SCP2: variants seen among roughly 807,000 people sequenced by gnomAD.
SCP2 encodes sterol carrier protein 2, also known as SCP-2/3-oxoacyl-CoA thiolase.
SCP2 carries 48 observed loss-of-function variants against 71.4 expected under a neutral mutation model. That is an observed-to-expected ratio of 0.67 (90% CI 0.53 to 0.86). The LOEUF (loss-of-function observed/expected upper bound fraction) is 0.86, where lower values mean the gene tolerates loss of function less well. Among genes scored for constraint, SCP2 ranks in the 40% least tolerant of loss-of-function variants. The probability of loss-of-function intolerance (pLI) is 0.00; values close to 1 mark genes in which losing one functional copy is unlikely to be tolerated. For missense variants in SCP2, 560 were observed against 655.6 expected (o/e 0.85, Z 1.59); for synonymous variants, 220 against 218.1 (o/e 1.01, Z -0.08).
chr1:52,934,419 A>G (rs1037389398), intron 1 of SCP2, among the ~76,000 whole-genome samples: 44 of 151,862 alleles, frequency 2.9e-4, no homozygotes, highest in Middle Eastern at 3.4e-3. Flanking sequence ...CATGGAGCCG[A>G]TATTTTTCCA....
intron 6 of SCP2, among the ~76,000 whole-genome samples, chr1:52,970,325 C>A (rs1657350177): frequency 6.6e-6 from 1 of 152,142 alleles, no homozygotes; most frequent in South Asian, 2.1e-4. Context: ...TCATGGTGCA[C>A]CACAGCCACA....
intron 11 of SCP2, among the ~76,000 whole-genome samples, chr1:53,013,978 C>T (rs1261423455): frequency 7.0e-6 from 1 of 142,282 alleles, no homozygotes; most frequent in East Asian, 2.2e-4. Flanking sequence ...TCACTGCAAG[C>T]TCTGCCTCCC....
intron 12 of SCP2, among the ~76,000 whole-genome samples, chr1:53,024,642 C>T (rs924783684): frequency 1.1e-4 from 17 of 150,278 alleles, no homozygotes; most frequent in Non-Finnish European, 1.5e-4. Context: ...ATGATCTCTG[C>T]TCACTGCAAC....
chr1:52,936,309 T>G (rs1278263524), intron 1 of SCP2, among the ~76,000 whole-genome samples: 1 of 152,230 alleles, frequency 6.6e-6, no homozygotes, highest in Non-Finnish European at 1.5e-5. Context: ...CTTTGCCATT[T>G]CCAATAATCC....
chr1:52,978,308 G>T lies in SCP2; in HGVS notation c.766G>T (p.Ala256Ser). The stretch of plus-strand genomic sequence containing the variant: ...GCAATCCAAAGCTGTGGAAATTTTG[G>T]CACAAGAAATGATGACTGATTTGCC... ...GLQSKAVEIL[A>S]QEMMTDLPSS... The change falls in exon 9 of 16, where the codon GCA becomes TCA. Residue 256 changes from alanine to serine, a missense_variant. This residue lies in a region of SCP2 where 513 missense variants were observed against 573.1 expected (regional missense o/e 0.90). Coordinates refer to ENST00000371514, the MANE Select transcript of SCP2 (RefSeq NM_002979.5). The T allele has an allele frequency of 4.3e-6, 7 of 1,614,056 alleles. No individual in the cohort carries two copies. The highest frequency in any genetic ancestry group is 5.9e-6 in the Non-Finnish European group (7 of 1,179,964).
chr1:52,934,522 A>G (rs1653487368), intron 1 of SCP2, among the ~76,000 whole-genome samples: 1 of 150,196 alleles, frequency 6.7e-6, no homozygotes, highest in Non-Finnish European at 1.5e-5. Flanking sequence ...CCATTCAAAT[A>G]CAATATTTTA....
At chr1:53,016,081 C>T (rs1056063771) in intron 12 of SCP2, among the ~76,000 whole-genome samples, 4 of 152,068 alleles carry the variant, frequency 2.6e-5, no homozygotes, top group African/African-American at 9.7e-5. Context: ...GGTTCATGTG[C>T]ACAACCTGCA....
intron 3 of SCP2, 25 bp downstream of exon 3, chr1:52,948,105 A>C (rs754861738): frequency 1.1e-5 from 16 of 1,492,752 alleles, no homozygotes; most frequent in Non-Finnish European, 1.5e-5. Flanking sequence ...GTGTATTCTA[A>C]AATTTTTTTA....
chr1:52,947,805 C>A (rs182127903), intron 2 of SCP2, among the ~76,000 whole-genome samples: 2 of 152,120 alleles, frequency 1.3e-5, no homozygotes, highest in East Asian at 3.9e-4. Flanking sequence ...AAAGGAGATA[C>A]GGAAAAGTGA....
intron 11 of SCP2, among the ~76,000 whole-genome samples, chr1:52,990,677 T>C (rs1050847310): frequency 1.6e-5 from 2 of 127,982 alleles, no homozygotes; most frequent in African/African-American, 6.2e-5. Context: ...GAGCCTGCAG[T>C]GAGCCGAGAT....
chr1:53,007,594 A>C (rs1301028117), intron 11 of SCP2, among the ~76,000 whole-genome samples: 1 of 152,232 alleles, frequency 6.6e-6, no homozygotes, highest in African/African-American at 2.4e-5. Flanking sequence ...ACAAAGACAC[A>C]ACATACCAGA....
intron 2 of SCP2, among the ~76,000 whole-genome samples, chr1:52,946,050 T>A (rs549425706): frequency 6.6e-6 from 1 of 151,620 alleles, no homozygotes; most frequent in South Asian, 2.1e-4. Context: ...TACCTCAGCC[T>A]CCCAAGTAGC....
rs368718416 is a variant in SCP2, at chr1:53,038,875, G to A, written c.1339-42G>A. ...GAATTTGCTTGAGGAGAAAGCCAGA[G>A]AAATGGACTTAATGTAACCCCAGTG... On this transcript the variant is annotated intron_variant, in intron 13 of 15. Transcript: ENST00000371514. The A allele has an allele frequency of 1.4e-5, 23 of 1,612,100 alleles. No individual in the cohort carries two copies. The South Asian group carries it at 2.2e-4, about 15-fold the overall frequency.
intron 7 of SCP2, among the ~76,000 whole-genome samples, chr1:52,976,102 A>G (rs1657939381): frequency 6.6e-6 from 1 of 152,222 alleles, no homozygotes; most frequent in African/African-American, 2.4e-5. Context: ...GAGCATCCCA[A>G]GCAAAGCTTT....
rs889696643 is a variant in SCP2 at position 53,028,184 on chromosome 1, A to G, written c.1338+113A>G. 4.4e-6 allele frequency: 3 copies of G among 676,536 alleles called. No individual in the cohort carries two copies. In the African/African-American group the frequency reaches 5.4e-5, roughly 12 times the overall value. 41.9% of individuals were successfully genotyped at this position (676,536 alleles called of 1,614,324 possible). A position where few individuals can be genotyped will look rare whatever the true frequency, so the allele number is the denominator to read the frequency against. ...ATTGAAAATTTATATCATGTTGTCA[A>G]GTATTGAGTGTAGTTAGATTTCTGA... On this transcript the variant is annotated intron_variant, in intron 13 of 15. Coordinates refer to ENST00000371514, the MANE Select transcript of SCP2 (RefSeq NM_002979.5).
chr1:52,976,816 C>T (rs144931979), intron 8 of SCP2, 47 bp downstream of exon 8: 3 of 948,340 alleles, frequency 3.2e-6, no homozygotes, highest in South Asian at 2.6e-5. Flanking sequence ...TAACTGCTGC[C>T]CTTCCTGCCA....
chr1:52,947,040 G>A (rs1161474760), intron 2 of SCP2, among the ~76,000 whole-genome samples: 2 of 140,636 alleles, frequency 1.4e-5, no homozygotes, highest in Non-Finnish European at 1.5e-5. Context: ...CAGCCTGGGC[G>A]ACAGAGCAAG....
Position 53,031,136 on chromosome 1 carries a change from C to G in SCP2, c.1338+3065C>G, listed in dbSNP as rs138025220. Among the ~76,000 whole-genome samples, 746 of 151,514 alleles carry G rather than the reference C, an allele frequency of 4.9e-3. 3 individuals are homozygous for G. Among genetic ancestry groups the G allele is most frequent in the Middle Eastern group, 0.01 (3 of 294 alleles). ...TTCATTTATTTCAACCCTATTCCAT[C>G]TAAAAAAAAAATCAACTAAATTAAT... On this transcript the variant is annotated intron_variant, in intron 13 of 15. Transcript: ENST00000371514.
intron 15 of SCP2, chr1:53,050,205 T>C (rs1302451010): frequency 4.3e-6 from 1 of 233,064 alleles, no homozygotes; most frequent in Non-Finnish European, 8.5e-6. Context: ...TTCACATGCA[T>C]GTTGGATTGA....
Sources: allele counts gnomAD v4.1 joint callset (sites outside exome capture counted in the v4.1 genomes callset), GRCh38; gene constraint gnomAD v4.1.1; regional missense constraint gnomAD v4.1.1; transcripts MANE v1.5; gene names NCBI Gene and HGNC (gene_info 2026-07-23, HGNC 2026-07-21).